VRK2: variants seen among roughly 807,000 people sequenced by gnomAD.
VRK2 encodes serine/threonine-protein kinase VRK2.
A neutral mutation model predicts 57.6 loss-of-function variants in VRK2; 60 were observed. That is an observed-to-expected ratio of 1.04 (90% confidence interval 0.85 to 1.29). VRK2 has a LOEUF of 1.29. Among genes scored for constraint, VRK2 ranks in the 50% most tolerant of loss-of-function variants. The pLI is 0.00. For synonymous variants in VRK2, 231 were observed against 199.2 expected, an observed-to-expected ratio of 1.16 and a Z score of -1.35; for missense variants, 705 against 588.1, an observed-to-expected ratio of 1.20 and a Z score of -2.06.
In VRK2 at chr2:58,146,332, C is replaced by G. The variant is rs570821056; in HGVS notation, c.1040C>G (p.Ala347Gly). The stretch of plus-strand genomic sequence containing the variant: ...TACCAACAGGTTGATTCACAAAAGG[C>G]TGCAACAAAGCAAGTCAACAAGGCA... The part of the protein sequence containing the change: ...PNSQKVDSQK[A>G]ATKQVNKAHN... Residue 347 changes from alanine to glycine, a missense_variant, in exon 12 of 13, where the codon GCT becomes GGT. By Grantham distance (60) the Ala-to-Gly change is moderately conservative (BLOSUM62 0). Transcript: ENST00000340157. 1 of 1,609,578 alleles carries G rather than the reference C, an allele frequency of 6.2e-7. No homozygotes were observed. The highest frequency in any genetic ancestry group is 2.2e-5 in the East Asian group (1 of 44,774).
chr2:58,144,253 TGG>T (rs1016643756), intron 11 of VRK2, among the ~76,000 whole-genome samples: 1 of 151,688 alleles, frequency 6.6e-6, no homozygotes, highest in African/African-American at 2.4e-5. Context: ...CTGGGGAAAA[TGG>T]GGAGATGCTA....
chr2:58,071,814 A>G (rs1669397781), intron 2 of VRK2, among the ~76,000 whole-genome samples: 1 of 152,020 alleles, frequency 6.6e-6, no homozygotes, highest in Non-Finnish European at 1.5e-5. Context: ...GTTGATATCC[A>G]CAACATAACT....
chr2:58,157,539 CAGT>C (rs1385327044), intron 12 of VRK2, among the ~76,000 whole-genome samples: 1 of 152,158 alleles, frequency 6.6e-6, no homozygotes, highest in African/African-American at 2.4e-5. Flanking sequence ...TGCTCTATCA[CAGT>C]AGATTATTGC....
At chr2:58,113,200 TCAGGAGGCTGCGG>T (rs1675838898) in intron 7 of VRK2, among the ~76,000 whole-genome samples, 1 of 151,152 alleles carries the variant, frequency 6.6e-6, no homozygotes, top group Non-Finnish European at 1.5e-5. Context: ...TCCCAGCTAC[TCAGGAGGCTGCGG>T]CAGGAGACTC....
At position 58,084,961 on chromosome 2, in the gene VRK2, T is replaced by A. The variant is rs200065516; in HGVS notation, c.256+11T>A. On this transcript the variant is annotated intron_variant, in intron 4 of 12. Transcript: ENST00000340157. ...CAAAAAAAGACTGTAGTAAGTAAAA[T>A]TAGCAAAGCAAGCTACTTCCATATA... 4.1e-5 allele frequency: 64 copies of A among 1,570,860 alleles called. No individual in the cohort carries two copies. The highest frequency in any genetic ancestry group is 1.7e-4 in the Middle Eastern group (1 of 5,928).
intron 1 of VRK2, among the ~76,000 whole-genome samples, chr2:57,930,268 C>G (rs1439073741): frequency 6.6e-6 from 1 of 152,166 alleles, no homozygotes; most frequent in African/African-American, 2.4e-5. Flanking sequence ...TCTCCTCTGG[C>G]TAGGGCTTGT....
At chr2:58,084,038 A>T in intron 2 of VRK2, 51 bp from the exon 3 acceptor site, 1 of 1,582,234 alleles carries the variant, frequency 6.3e-7, no homozygotes, top group Non-Finnish European at 8.6e-7. Context: ...GTAGGTATTC[A>T]GTAATTGGGA....
At chr2:57,993,747 C>A (rs1672841673) in intron 1 of VRK2, among the ~76,000 whole-genome samples, 1 of 152,202 alleles carries the variant, frequency 6.6e-6, no homozygotes, top group Non-Finnish European at 1.5e-5. Context: ...CTTTAGGGGG[C>A]TGAGATCACA....
chr2:57,950,385 C>T (rs371896978), intron 1 of VRK2, among the ~76,000 whole-genome samples: 97 of 152,124 alleles, frequency 6.4e-4, no homozygotes, highest in African/African-American at 2.3e-3. Flanking sequence ...AATCGTGGGG[C>T]CCTTAAGAAT....
intron 2 of VRK2, among the ~76,000 whole-genome samples, chr2:58,080,771 T>G (rs1572989078): frequency 6.6e-6 from 1 of 151,990 alleles, no homozygotes; most frequent in South Asian, 2.1e-4. Flanking sequence ...AATACATTTA[T>G]ATTTTTAGCA....
intron 2 of VRK2, among the ~76,000 whole-genome samples, chr2:58,066,921 C>T (rs1239551148): frequency 6.6e-6 from 1 of 152,068 alleles, no homozygotes; most frequent in Non-Finnish European, 1.5e-5. Flanking sequence ...GAGGGTGTTG[C>T]CAAAGCAGAT....
intron 1 of VRK2, among the ~76,000 whole-genome samples, chr2:57,987,003 G>T (rs1672616070): frequency 6.6e-6 from 1 of 151,918 alleles, no homozygotes; most frequent in South Asian, 2.1e-4. Flanking sequence ...ATATACACAT[G>T]CAAAAAAATA....
At chr2:57,932,747 C>T (rs1411483244) in intron 1 of VRK2, among the ~76,000 whole-genome samples, 2 of 151,612 alleles carry the variant, frequency 1.3e-5, no homozygotes, top group African/African-American at 2.4e-5. Context: ...ATTGTTTGTT[C>T]TTCTTTATCT....
chr2:58,092,504 C>T (rs1043761714), intron 7 of VRK2, among the ~76,000 whole-genome samples: 1 of 152,128 alleles, frequency 6.6e-6, no homozygotes, highest in Admixed American at 6.5e-5. Flanking sequence ...TTTGTGGAGA[C>T]ATATGTTTCA....
intron 7 of VRK2, among the ~76,000 whole-genome samples, chr2:58,110,451 C>T (rs1037203132): frequency 6.6e-6 from 1 of 152,132 alleles, no homozygotes; most frequent in Admixed American, 6.5e-5. Context: ...GAAGCAGCAG[C>T]ATGTTTATGT....
At chr2:58,090,971 C>T (rs867860336) in intron 7 of VRK2, among the ~76,000 whole-genome samples, 9 of 152,238 alleles carry the variant, frequency 5.9e-5, no homozygotes, top group Middle Eastern at 3.4e-3. Context: ...AGTTACTATA[C>T]AATTTCAACT....
intron 1 of VRK2, among the ~76,000 whole-genome samples, chr2:57,923,088 T>C (rs1670408362): frequency 6.6e-6 from 1 of 152,108 alleles, no homozygotes. Context: ...CTCCATTGTG[T>C]ATGTGCACCA....
At chr2:58,058,822 C>T (rs754092413) in intron 2 of VRK2, among the ~76,000 whole-genome samples, 7 of 151,960 alleles carry the variant, frequency 4.6e-5, no homozygotes, top group Admixed American at 1.3e-4. Flanking sequence ...AAAGAGGATA[C>T]GTAAATTACC....
chr2:58,139,822 A>G lies in VRK2; in HGVS notation c.1013A>G (p.Asn338Ser), dbSNP rs1681060760. 1.9e-6 allele frequency: 3 copies of G among 1,610,822 alleles called. No homozygotes were observed. Among genetic ancestry groups the G allele is most frequent in the Non-Finnish European group, 2.5e-6 (3 of 1,178,392 alleles). Residue 338 changes from asparagine (N) to serine (S), a missense_variant, in exon 11 of 13, where the codon AAC becomes AGC. Transcript: ENST00000340157. ...KGQSINVHTP[N>S]SQKVDSQKAA... is the part of the protein sequence containing the mutation. The stretch of plus-strand genomic sequence containing the variant: ...CAGAGTATAAATGTCCATACTCCAA[A>G]CAGTCAAAAAGTAAGTAACATAATC...
Sources: allele counts gnomAD v4.1 joint callset (sites outside exome capture counted in the v4.1 genomes callset), GRCh38; gene constraint gnomAD v4.1.1; transcripts MANE v1.5; gene names NCBI Gene and HGNC (gene_info 2026-07-23, HGNC 2026-07-21).